GALNT13: variants seen among roughly 807,000 people sequenced by gnomAD.
The protein encoded by GALNT13 is polypeptide N-acetylgalactosaminyltransferase 13.
In GALNT13, 28 loss-of-function variants were observed where a neutral mutation model predicts 64.2. The observed-to-expected ratio is 0.44, with a 90% CI of 0.32 to 0.60. The LOEUF (loss-of-function observed/expected upper bound fraction) is 0.60. Ranked by LOEUF, GALNT13 falls within the 20% of genes least tolerant of loss-of-function variation. GALNT13 has a pLI of 0.05. For missense variants in GALNT13, 577 were observed against 669.8 expected, an observed-to-expected ratio of 0.86 and a Z score of 1.53; for synonymous variants, 214 against 224.6, an observed-to-expected ratio of 0.95 and a Z score of 0.42.
intron 8 of GALNT13, among the ~76,000 whole-genome samples, chr2:154,278,046 A>G (rs1691746999): frequency 6.6e-6 from 1 of 152,156 alleles, no homozygotes; most frequent in Admixed American, 6.5e-5. Context: ...TCCCTGACCA[A>G]AATATTTTTT....
chr2:154,151,787 A>G, intron 4 of GALNT13, among the ~76,000 whole-genome samples: 1 of 152,036 alleles, frequency 6.6e-6, no homozygotes, highest in East Asian at 1.9e-4. Flanking sequence ...TGCTTGGTAG[A>G]TCTTCCTCCA....
chr2:154,024,698 A>G lies in GALNT13; in HGVS notation c.142+80059A>G, dbSNP rs909528142. The stretch of plus-strand genomic sequence containing the variant: ...GAAGCCTTCTTCTCTCAGCTTGTCA[A>G]ACTCATTCTCCATCCAGCTTTGTTC... On this transcript the variant is annotated intron_variant, in intron 3 of 12. Coordinates refer to ENST00000392825, the MANE Select transcript of GALNT13 (RefSeq NM_052917.4). 3.3e-5 allele frequency among the ~76,000 whole-genome samples: 5 copies of G among 152,124 alleles called. No individual in the cohort carries two copies. In the South Asian group the frequency reaches 6.2e-4, roughly 19 times the overall value.
chr2:153,446,963 C>T, the GALNT13 span: 12 of 152,010 alleles, frequency 7.9e-5, no homozygotes, highest in South Asian at 2.1e-4. Flanking sequence ...ATAGTGATGA[C>T]GAATATTCCG....
chr2:154,183,027 A>G (rs1686049356), intron 4 of GALNT13, among the ~76,000 whole-genome samples: 1 of 152,176 alleles, frequency 6.6e-6, no homozygotes, highest in Non-Finnish European at 1.5e-5. Flanking sequence ...TGGTATCAGA[A>G]TAATGCTGGT....
At chr2:154,040,886 A>G (rs1698935768) in intron 3 of GALNT13, among the ~76,000 whole-genome samples, 1 of 140,138 alleles carries the variant, frequency 7.1e-6, no homozygotes, top group African/African-American at 2.4e-5. Flanking sequence ...AGACCTATTC[A>G]TTATTATTCC....
chr2:153,203,768 C>A, the GALNT13 span, among the ~76,000 whole-genome samples: 1 of 152,100 alleles, frequency 6.6e-6, no homozygotes, highest in Non-Finnish European at 1.5e-5. Context: ...TTGGTAAAAT[C>A]TCACTTACAG....
At chr2:153,925,450 C>T (rs1342173745) in intron 2 of GALNT13, among the ~76,000 whole-genome samples, 1 of 145,700 alleles carries the variant, frequency 6.9e-6, no homozygotes, top group African/African-American at 2.5e-5. Context: ...GTTTTGGTTA[C>T]TTTAGCTGTA....
the GALNT13 span, among the ~76,000 whole-genome samples, chr2:153,334,281 T>C: frequency 6.6e-6 from 1 of 152,168 alleles, no homozygotes; most frequent in African/African-American, 2.4e-5. Context: ...AGCTCTGATA[T>C]TTGTTGGTAT....
the GALNT13 span, among the ~76,000 whole-genome samples, chr2:153,168,472 T>C: frequency 6.6e-6 from 1 of 152,338 alleles, no homozygotes; most frequent in South Asian, 2.1e-4. Flanking sequence ...ATTTGCTATA[T>C]ATACATTATG....
chr2:153,894,402 G>A (rs1454205391), intron 1 of GALNT13, among the ~76,000 whole-genome samples: 2 of 152,080 alleles, frequency 1.3e-5, no homozygotes, highest in African/African-American at 2.4e-5. Flanking sequence ...GGCTGATGAA[G>A]TACAGAGAGG....
chr2:154,245,794 G>T lies in GALNT13; in HGVS notation c.687-18G>T, dbSNP rs150008937. 3 of 1,550,062 alleles carry T rather than the reference G, an allele frequency of 1.9e-6. No homozygotes were observed. Among genetic ancestry groups the T allele is most frequent in the South Asian group, 2.3e-5 (2 of 85,396 alleles). ...TTAATTATCATGTGTCTATAAATTG[G>T]TTTTAATTTCTCTGCAGGAAAACGG... On this transcript the variant is annotated intron_variant, in intron 6 of 12. Transcript: ENST00000392825.
At chr2:154,355,297 C>G (rs773500164) in intron 9 of GALNT13, among the ~76,000 whole-genome samples, 8 of 152,210 alleles carry the variant, frequency 5.3e-5, no homozygotes, top group Non-Finnish European at 1.0e-4. Flanking sequence ...GGAGACTTGC[C>G]TTTTAAAAAT....
the GALNT13 span, among the ~76,000 whole-genome samples, chr2:153,547,648 A>AT: frequency 3.9e-5 from 6 of 152,218 alleles, no homozygotes; most frequent in Non-Finnish European, 8.8e-5. Flanking sequence ...TTATGTTCTC[A>AT]TGAATAGGTA....
chr2:153,123,497 G>A, the GALNT13 span, among the ~76,000 whole-genome samples: 6 of 152,140 alleles, frequency 3.9e-5, no homozygotes, highest in African/African-American at 1.2e-4. Context: ...GAAATAAGAA[G>A]TAATAAACAT....
chr2:154,421,318 G>GA (rs1700240498), intron 11 of GALNT13, among the ~76,000 whole-genome samples: 1 of 151,898 alleles, frequency 6.6e-6, no homozygotes, highest in African/African-American at 2.4e-5. Flanking sequence ...AAATATTATT[G>GA]AAAGTAGCCC....
chr2:154,084,967 A>G lies in GALNT13; in HGVS notation c.143-55370A>G, dbSNP rs576637627. Among the ~76,000 whole-genome samples, 12 of 152,002 alleles carry G rather than the reference A, an allele frequency of 7.9e-5. No individual in the cohort carries two copies. The South Asian group carries it at 2.3e-3, about 29-fold the overall frequency. ...ATTTAATTGCTTTCAAGTAATTTCAAGGTCATCCTTAGTTTTTGGTCTTGT... is the reference window on the plus strand; with the variant it reads ...ATTTAATTGCTTTCAAGTAATTTCAGGGTCATCCTTAGTTTTTGGTCTTGT... On this transcript the variant is annotated intron_variant, in intron 3 of 12. Coordinates refer to ENST00000392825, the MANE Select transcript of GALNT13 (RefSeq NM_052917.4).
chr2:154,174,257 A>G (rs899772113), intron 4 of GALNT13, among the ~76,000 whole-genome samples: 1 of 152,140 alleles, frequency 6.6e-6, no homozygotes. Flanking sequence ...CAAATGCTTA[A>G]TCAAATACTG....
the GALNT13 span, among the ~76,000 whole-genome samples, chr2:153,467,739 A>G: frequency 6.6e-6 from 1 of 152,184 alleles, no homozygotes; most frequent in Non-Finnish European, 1.5e-5. Flanking sequence ...ATGGATGATG[A>G]TAAGTATCAA....
chr2:153,160,182 G>T, the GALNT13 span, among the ~76,000 whole-genome samples: 1 of 152,204 alleles, frequency 6.6e-6, no homozygotes, highest in Non-Finnish European at 1.5e-5. Context: ...ATTTGGGCCA[G>T]ATTTACAGAT....
Sources: allele counts gnomAD v4.1 joint callset (sites outside exome capture counted in the v4.1 genomes callset), GRCh38; gene constraint gnomAD v4.1.1; transcripts MANE v1.5; gene names NCBI Gene and HGNC (gene_info 2026-07-23, HGNC 2026-07-21).